Variants in CCDC80 observed in about 807,000 individuals in gnomAD.
The protein encoded by CCDC80 is coiled-coil domain containing 80, also known as coiled-coil domain-containing protein 80.
A neutral mutation model predicts 78.7 loss-of-function variants in CCDC80; 49 were observed. That is an observed-to-expected ratio of 0.62 (90% CI 0.50 to 0.79). The LOEUF (loss-of-function observed/expected upper bound fraction) is 0.79, where lower values mean the gene tolerates loss of function less well. Ranked by LOEUF, CCDC80 falls within the 30% of genes least tolerant of loss-of-function variation. The pLI is 0.00. For synonymous variants in CCDC80, 488 were observed against 447.0 expected, an observed-to-expected ratio of 1.09 and a Z score of -1.16; for missense variants, 1,205 against 1,198.6, an observed-to-expected ratio of 1.01 and a Z score of -0.08.
chr3:112,621,379 C>T (rs1163431685), intron 3 of CCDC80, among the ~76,000 whole-genome samples: 3 of 152,180 alleles, frequency 2.0e-5, no homozygotes, highest in African/African-American at 7.2e-5. Flanking sequence ...GGTTAGCTGA[C>T]AGCCCACTGA....
chr3:112,620,065 T>G (rs16859848), intron 3 of CCDC80, among the ~76,000 whole-genome samples: 102,685 of 152,106 alleles, frequency 0.68, 37,964 homozygotes, highest in Non-Finnish European at 0.83. Context: ...ATTACCAACA[T>G]CACTACCCAG....
chr3:112,611,847 G>C (rs1318317398), intron 5 of CCDC80, among the ~76,000 whole-genome samples: 2 of 152,168 alleles, frequency 1.3e-5, no homozygotes, highest in Non-Finnish European at 2.9e-5. Context: ...TCATGGCTTT[G>C]ATCCCTGTGC....
chr3:112,617,460 G>A (rs1004817651), intron 4 of CCDC80, among the ~76,000 whole-genome samples: 16 of 152,222 alleles, frequency 1.1e-4, no homozygotes, highest in Admixed American at 4.6e-4. Context: ...GGATTTAGGG[G>A]CTGGCTGAGC....
chr3:112,638,232 G>A lies in CCDC80; in HGVS notation c.1674C>T (p.Asn558=), dbSNP rs772041379. The A allele has an allele frequency of 3.5e-5, 56 of 1,612,602 alleles. No individual in the cohort carries two copies. In the East Asian group the frequency reaches 7.6e-4, roughly 22 times the overall value. ...TTTCACTCTTAAGTAACTTGTCTGC[G>A]TTCTCATTCTTCATCTTTTTTTTCT... is the stretch of plus-strand genomic sequence containing the variant. ...KEKKKKMKNE[N]ADKLLKSEKQ... Residue 558 remains asparagine, a synonymous_variant, in exon 2 of 8, where the codon AAC becomes AAT. Transcript: ENST00000206423.
chr3:112,637,692 A>G (rs1003909122), intron 2 of CCDC80, among the ~76,000 whole-genome samples: 6 of 152,182 alleles, frequency 3.9e-5, no homozygotes, highest in African/African-American at 1.4e-4. Context: ...GTCCAGAAAT[A>G]TCCCTTGGAA....
At chr3:112,617,537 T>C (rs954197310) in intron 4 of CCDC80, among the ~76,000 whole-genome samples, 3 of 152,184 alleles carry the variant, frequency 2.0e-5, no homozygotes, top group Non-Finnish European at 4.4e-5. Flanking sequence ...GGGAATTCAG[T>C]AAATCACAGA....
Position 112,607,810 on chromosome 3 carries a change from T to C in CCDC80, c.2426-554A>G, listed in dbSNP as rs117852765. On this transcript the variant is annotated intron_variant, in intron 6 of 7. Transcript: ENST00000206423. ...AAAAAGAAAAGATGAAGCAATTCATTGGAACATTAAAATATCTGAGCTGAT... is the reference window on the plus strand; with the variant it reads ...AAAAAGAAAAGATGAAGCAATTCATCGGAACATTAAAATATCTGAGCTGAT... Among the ~76,000 whole-genome samples, 245 of 152,240 alleles carry C rather than the reference T, an allele frequency of 1.6e-3. 3 individuals are homozygous for C. The East Asian group carries it at 0.027, about 17-fold the overall frequency.
intron 1 of CCDC80, 68 bp from the exon 2 acceptor site, chr3:112,639,984 A>G (rs1048487270): frequency 1.3e-6 from 2 of 1,506,934 alleles, no homozygotes; most frequent in African/African-American, 2.8e-5. Context: ...ATTTATCTGG[A>G]AACAGAGCTG....
intron 2 of CCDC80, among the ~76,000 whole-genome samples, chr3:112,637,494 C>A (rs1001765628): frequency 5.9e-5 from 9 of 152,198 alleles, no homozygotes; most frequent in African/African-American, 2.2e-4. Flanking sequence ...CCTCTTGGAG[C>A]ACTCCAATGT....
chr3:112,619,558 T>C (rs775225748), intron 3 of CCDC80, among the ~76,000 whole-genome samples: 1 of 152,314 alleles, frequency 6.6e-6, no homozygotes, highest in South Asian at 2.1e-4. Flanking sequence ...AGAATTAACT[T>C]TGGGACCCAG....
chr3:112,636,717 CTT>C (rs1936215112), intron 2 of CCDC80, among the ~76,000 whole-genome samples: 1 of 152,116 alleles, frequency 6.6e-6, no homozygotes, highest in Non-Finnish European at 1.5e-5. Flanking sequence ...GTGTCTGTCT[CTT>C]TTGGTGGGGG....
At chr3:112,637,996 C>T (rs762644617) in intron 2 of CCDC80, 32 bp downstream of exon 2, 29 of 1,568,004 alleles carry the variant, frequency 1.8e-5, no homozygotes, top group Non-Finnish European at 2.6e-6. Context: ...TGCCTCAGCC[C>T]ATAGAAGAAT....
Position 112,605,355 on chromosome 3 carries a change from G to A in CCDC80, c.*62C>T, listed in dbSNP as rs189154488. 23 of 1,138,164 alleles carry A rather than the reference G, an allele frequency of 2.0e-5. No homozygotes were observed. The Admixed American group carries it at 4.6e-4, about 23-fold the overall frequency. 70.5% of individuals were successfully genotyped at this position (1,138,164 alleles called of 1,614,324 possible). A position where few individuals can be genotyped will look rare whatever the true frequency, so the allele number is the denominator to read the frequency against. On this transcript the variant is annotated 3_prime_UTR_variant, in exon 8 of 8. Transcript: ENST00000206423. Reference sequence around the variant, plus strand: ...TACGCAGTGTGGAAGAATGGAGCTGGCCACATGTAGTTTTAGCAGCTGCAG... The same window carrying A: ...TACGCAGTGTGGAAGAATGGAGCTGACCACATGTAGTTTTAGCAGCTGCAG...
chr3:112,622,931 C>G (rs1219855843), intron 3 of CCDC80, among the ~76,000 whole-genome samples: 1 of 151,284 alleles, frequency 6.6e-6, no homozygotes, highest in Non-Finnish European at 1.5e-5. Context: ...CCACCTTAGC[C>G]TTCCAAAGTG....
At position 112,638,731 on chromosome 3, in the gene CCDC80, G is replaced by T. The variant is rs760304200; in HGVS notation, c.1175C>A (p.Pro392His). The T allele has an allele frequency of 3.1e-5, 50 of 1,613,916 alleles. No individual in the cohort carries two copies. Among genetic ancestry groups the T allele is most frequent in the Non-Finnish European group, 4.2e-5 (50 of 1,180,020 alleles). ...AGTGGTTGTAGGGGGCCTGTGGGAGGGTGAGGGGGTCCAGGGCCTCTGCGT... is the reference window on the plus strand; with the variant it reads ...AGTGGTTGTAGGGGGCCTGTGGGAGTGTGAGGGGGTCCAGGGCCTCTGCGT... ...PTTQRPWTPS[P>H]SHRPPTTTEV... Residue 392 changes from proline to histidine, a missense_variant, in exon 2 of 8, where the codon CCC (proline) becomes CAC (histidine). By Grantham distance (77) the Pro-to-His change is moderately conservative. Coordinates refer to ENST00000206423, the MANE Select transcript of CCDC80 (RefSeq NM_199511.3).
rs1935356346 is a variant in CCDC80, at chr3:112,600,569, A to T, written c.*4848T>A. 1 of 151,990 alleles carries T rather than the reference A, an allele frequency of 6.6e-6. No homozygotes were observed. The highest frequency in any genetic ancestry group is 6.6e-5 in the Admixed American group (1 of 15,258). The allele number at this position is 151,990 out of a possible 1,614,324, so 9.4% of individuals were successfully genotyped here. A position where few individuals can be genotyped will look rare whatever the true frequency, so the allele number is the denominator to read the frequency against. The stretch of plus-strand genomic sequence containing the variant: ...GATGATGGAGTGCTGTGGCACGATC[A>T]CGGCACACTGAAGCCTCGACCTCCT... On this transcript the variant is annotated 3_prime_UTR_variant, in exon 8 of 8. Coordinates refer to ENST00000206423, the MANE Select transcript of CCDC80 (RefSeq NM_199511.3).
rs1165955321 is a variant in CCDC80, at chr3:112,603,528, A to T, written c.*1889T>A. The stretch of plus-strand genomic sequence containing the variant: ...AGACTCCATCTCGAAAAAAATATAT[A>T]TATATATAATATATATTATATATTT... On this transcript the variant is annotated 3_prime_UTR_variant, in exon 8 of 8. Transcript: ENST00000206423. 1 of 146,300 alleles carries T rather than the reference A, an allele frequency of 6.8e-6. No individual in the cohort carries two copies. Among genetic ancestry groups the T allele is most frequent in the South Asian group, 2.1e-4 (1 of 4,752 alleles). 9.1% of individuals were successfully genotyped at this position (146,300 alleles called of 1,614,324 possible).
chr3:112,613,405 T>A (rs1007791647), intron 5 of CCDC80, among the ~76,000 whole-genome samples: 1 of 152,132 alleles, frequency 6.6e-6, no homozygotes, highest in African/African-American at 2.4e-5. Flanking sequence ...TAAGAGCCCA[T>A]AAAACTCTTA....
At chr3:112,607,876 ATAACT>A (rs1443041541) in intron 6 of CCDC80, among the ~76,000 whole-genome samples, 2 of 152,242 alleles carry the variant, frequency 1.3e-5, no homozygotes, top group African/African-American at 4.8e-5. Context: ...AGCTTTTAGG[ATAACT>A]TAACTTTCAG....
Sources: allele counts gnomAD v4.1 joint callset (sites outside exome capture counted in the v4.1 genomes callset), GRCh38; gene constraint gnomAD v4.1.1; transcripts MANE v1.5; gene names NCBI Gene and HGNC (gene_info 2026-07-23, HGNC 2026-07-21).